GUCY1A2: variants seen among roughly 807,000 people sequenced by gnomAD.
The protein encoded by GUCY1A2 is guanylate cyclase soluble subunit alpha-2.
In GUCY1A2, 27 loss-of-function variants were observed where a neutral mutation model predicts 63.5. The ratio of observed to expected loss-of-function variants is 0.43; its 90% CI spans 0.31 to 0.59. GUCY1A2 has a LOEUF of 0.59. Among genes scored for constraint, GUCY1A2 ranks in the 20% least tolerant of loss-of-function variants. GUCY1A2 has a pLI of 0.11. For missense variants in GUCY1A2, 768 were observed against 913.3 expected, an observed-to-expected ratio of 0.84 and a Z score of 2.05; for synonymous variants, 364 against 343.5, an observed-to-expected ratio of 1.06 and a Z score of -0.66.
intron 4 of GUCY1A2, among the ~76,000 whole-genome samples, chr11:106,861,948 G>T (rs375972785): frequency 6.6e-6 from 1 of 151,924 alleles, no homozygotes; most frequent in South Asian, 2.1e-4. Context: ...ACTTCTAAAA[G>T]CAAGTGTTAA....
chr11:106,954,566 T>C (rs558669378), intron 3 of GUCY1A2, among the ~76,000 whole-genome samples: 35 of 152,030 alleles, frequency 2.3e-4, no homozygotes, highest in African/African-American at 8.2e-4. Context: ...ATATCCTTTT[T>C]AATTTTTTCT....
intron 7 of GUCY1A2, among the ~76,000 whole-genome samples, chr11:106,690,133 A>G (rs1008569147): frequency 6.6e-6 from 1 of 152,204 alleles, no homozygotes; most frequent in African/African-American, 2.4e-5. Context: ...AGACCTAAAG[A>G]CAGAAATACC....
chr11:106,946,346 A>T (rs1860828345), intron 3 of GUCY1A2, among the ~76,000 whole-genome samples: 1 of 152,204 alleles, frequency 6.6e-6, no homozygotes, highest in South Asian at 2.1e-4. Context: ...TGATCAAAAC[A>T]GCAAAAGACC....
chr11:106,944,222 A>AAAAAAAAAAAAAAAAAAAG (rs1860793518), intron 3 of GUCY1A2, among the ~76,000 whole-genome samples: 1 of 139,198 alleles, frequency 7.2e-6, no homozygotes, highest in Non-Finnish European at 1.6e-5. Context: ...CTCCAAAAAA[A>AAAAAAAAAAAAAAAAAAAG]AAAAAAAAAA....
chr11:106,861,909 T>C (rs1489149135), intron 4 of GUCY1A2, among the ~76,000 whole-genome samples: 2 of 152,012 alleles, frequency 1.3e-5, no homozygotes, highest in East Asian at 3.9e-4. Context: ...ATAACAAAAC[T>C]CTGATAAACT....
chr11:106,904,565 CG>C (rs1860178052), intron 4 of GUCY1A2, among the ~76,000 whole-genome samples: 1 of 151,894 alleles, frequency 6.6e-6, no homozygotes, highest in Non-Finnish European at 1.5e-5. Context: ...AATTTTGATA[CG>C]ATGGGCTTTT....
intron 2 of GUCY1A2, among the ~76,000 whole-genome samples, chr11:106,980,116 A>G (rs941483402): frequency 3.3e-5 from 5 of 152,200 alleles, no homozygotes; most frequent in African/African-American, 4.8e-5. Context: ...ACTCTGGAGA[A>G]AGTTATCGAC....
At chr11:106,962,960 T>C (rs780277527) in intron 3 of GUCY1A2, among the ~76,000 whole-genome samples, 2 of 152,090 alleles carry the variant, frequency 1.3e-5, no homozygotes, top group Non-Finnish European at 1.5e-5. Context: ...TGTACAGCTA[T>C]ATTATCTTCT....
intron 5 of GUCY1A2, among the ~76,000 whole-genome samples, chr11:106,785,153 G>A (rs113077649): frequency 7.2e-5 from 11 of 152,248 alleles, no homozygotes; most frequent in African/African-American, 2.6e-4. Context: ...AGACCCTAAC[G>A]GAGACGATGG....
chr11:106,828,563 C>G (rs1859008629), intron 4 of GUCY1A2, among the ~76,000 whole-genome samples: 2 of 152,064 alleles, frequency 1.3e-5, no homozygotes, highest in Admixed American at 1.3e-4. Context: ...ACACATGATT[C>G]AAAATATCAA....
chr11:106,951,809 C>T (rs1211689720), intron 3 of GUCY1A2, among the ~76,000 whole-genome samples: 1 of 152,150 alleles, frequency 6.6e-6, no homozygotes, highest in Non-Finnish European at 1.5e-5. Flanking sequence ...GAAGTCTTTG[C>T]CCATGCCAAT....
At chr11:106,974,723 G>A (rs1485497344) in intron 3 of GUCY1A2, among the ~76,000 whole-genome samples, 1 of 152,108 alleles carries the variant, frequency 6.6e-6, no homozygotes, top group Non-Finnish European at 1.5e-5. Context: ...TGACTTAAAT[G>A]TGTTACATTT....
chr11:106,866,184 C>T (rs1354485540), intron 4 of GUCY1A2, among the ~76,000 whole-genome samples: 2 of 151,358 alleles, frequency 1.3e-5, no homozygotes, highest in African/African-American at 2.4e-5. Context: ...TTTGGGCCTT[C>T]GTTTCCTCAA....
At chr11:106,815,482 G>A (rs780690250) in intron 4 of GUCY1A2, among the ~76,000 whole-genome samples, 41 of 151,102 alleles carry the variant, frequency 2.7e-4, no homozygotes, top group Non-Finnish European at 5.2e-4. Flanking sequence ...ATTTTAGGGT[G>A]CATATGTACC....
chr11:106,698,119 ATTTTT>A (rs71470827), intron 7 of GUCY1A2, among the ~76,000 whole-genome samples: 1 of 100,520 alleles, frequency 9.9e-6, no homozygotes, highest in Non-Finnish European at 1.9e-5. Flanking sequence ...GAATGTTAGA[ATTTTT>A]TTTTTTTTTT....
chr11:106,825,030 A>G lies in GUCY1A2; in HGVS notation c.1207-14552T>C, dbSNP rs1019458687. On this transcript the variant is annotated intron_variant, in intron 4 of 7. Coordinates refer to ENST00000526355, the MANE Select transcript of GUCY1A2 (RefSeq NM_000855.3). ...ATGCCACTATTTTTGTAGTTAGACA[A>G]TAGTTTTTAAAAGAATTTCATAGAT... The G allele has an allele frequency of 6.3e-5, 92 of 1,469,936 alleles. No homozygotes were observed. In the African/African-American group the frequency reaches 1.2e-3, roughly 19 times the overall value. The allele number at this position is 1,469,936 out of a possible 1,614,324, so 91.1% of individuals were successfully genotyped here. A position where few individuals can be genotyped will look rare whatever the true frequency, so the allele number is the denominator to read the frequency against.
At chr11:106,827,103 C>T in intron 4 of GUCY1A2, 1 of 1,485,382 alleles carries the variant, frequency 6.7e-7, no homozygotes, top group Non-Finnish European at 9.4e-7. Flanking sequence ...GGTAGATTTT[C>T]TTTACTTCAC....
At chr11:106,710,137 T>TAA (rs1863080509) in intron 6 of GUCY1A2, among the ~76,000 whole-genome samples, 1 of 106,684 alleles carries the variant, frequency 9.4e-6, no homozygotes, top group Non-Finnish European at 1.8e-5. Flanking sequence ...GTTATATATA[T>TAA]AATATATAGT....
intron 4 of GUCY1A2, among the ~76,000 whole-genome samples, chr11:106,886,288 G>A (rs541391680): frequency 1.8e-4 from 27 of 152,246 alleles, no homozygotes; most frequent in African/African-American, 6.5e-4. Flanking sequence ...TAATTGGAAT[G>A]CATACATAAT....
Sources: allele counts gnomAD v4.1 joint callset (sites outside exome capture counted in the v4.1 genomes callset), GRCh38; gene constraint gnomAD v4.1.1; transcripts MANE v1.5; gene names NCBI Gene and HGNC (gene_info 2026-07-23, HGNC 2026-07-21).